The following PMPCB variants were observed in gnomAD, a reference collection of about 807,000 sequenced individuals.
PMPCB encodes mitochondrial-processing peptidase subunit beta.
Under a neutral mutation model 61.5 loss-of-function variants are expected in PMPCB, and 46 were observed. That is an observed-to-expected ratio of 0.75 (90% confidence interval 0.59 to 0.96). PMPCB has a LOEUF of 0.96. Among genes scored for constraint, PMPCB ranks in the 40% least tolerant of loss-of-function variants. PMPCB has a pLI of 0.00. For synonymous variants in PMPCB, 191 were observed against 201.6 expected, an observed-to-expected ratio of 0.95 and a Z score of 0.44; for missense variants, 590 against 602.4, an observed-to-expected ratio of 0.98 and a Z score of 0.22.
At chr7:103,309,776 C>T (rs1032880269) in intron 8 of PMPCB, among the ~76,000 whole-genome samples, 2 of 152,094 alleles carry the variant, frequency 1.3e-5, no homozygotes, top group African/African-American at 4.8e-5. Context: ...AGCATCACAT[C>T]TAAAACTCAG....
intron 1 of PMPCB, among the ~76,000 whole-genome samples, chr7:103,298,354 G>A (rs892091657): frequency 6.6e-6 from 1 of 152,078 alleles, no homozygotes; most frequent in African/African-American, 2.4e-5. Flanking sequence ...CCTGAGGGAA[G>A]GGCATGTTTA....
chr7:103,306,605 C>T (rs1408764793), intron 6 of PMPCB, among the ~76,000 whole-genome samples: 3 of 152,092 alleles, frequency 2.0e-5, no homozygotes, highest in Admixed American at 2.0e-4. Context: ...TGGTCTACCT[C>T]TACCTCTGAC....
chr7:103,337,381 A>G, the PMPCB span: 1 of 167,776 alleles, frequency 6.0e-6, no homozygotes, highest in African/African-American at 2.4e-5. Context: ...AAAAAAAACC[A>G]AAAACCAAAA....
chr7:103,320,236 C>A, intron 12 of PMPCB, among the ~76,000 whole-genome samples: 1 of 151,944 alleles, frequency 6.6e-6, no homozygotes, highest in East Asian at 2.0e-4. Context: ...TTACAGGCGC[C>A]TGCCACCACA....
chr7:103,320,653 A>G (rs1818336692), intron 12 of PMPCB, among the ~76,000 whole-genome samples: 1 of 150,988 alleles, frequency 6.6e-6, no homozygotes, highest in Non-Finnish European at 1.5e-5. Context: ...CTGAGGCAGG[A>G]GCATGGCGTG....
chr7:103,310,435 T>C lies in PMPCB; in HGVS notation c.1114T>C (p.Ser372Pro), dbSNP rs753347444. The change falls in exon 9 of 13, where the codon TCC becomes CCC. Residue 372 changes from serine to proline, a missense_variant. Physicochemically the swap from Ser to Pro is moderately conservative, Grantham distance 74. Coordinates refer to ENST00000249269, the MANE Select transcript of PMPCB (RefSeq NM_004279.3). ...LWGLYMVCES[S>P]TVADMLHVVQ... ...GGGACTGTATATGGTTTGTGAATCATCCACTGTTGCAGACATGCTACATGT... is the reference window on the plus strand; with the variant it reads ...GGGACTGTATATGGTTTGTGAATCACCCACTGTTGCAGACATGCTACATGT... The C allele has an allele frequency of 1.9e-6, 3 of 1,613,230 alleles. No homozygotes were observed. The East Asian group carries it at 6.7e-5, about 36-fold the overall frequency.
Position 103,299,539 on chromosome 7 carries a change from A to ATGCCT in PMPCB, c.327+10_327+11insTGCCT, listed in dbSNP as rs1392355681. 48 of 1,555,826 alleles carry ATGCCT rather than the reference A, an allele frequency of 3.1e-5. No homozygotes were observed. The highest frequency in any genetic ancestry group is 4.2e-5 in the Non-Finnish European group (47 of 1,131,076). On this transcript the variant is annotated intron_variant, in intron 3 of 12. Coordinates refer to ENST00000249269, the MANE Select transcript of PMPCB (RefSeq NM_004279.3). ...GCATATGGCTTTCAAGGCAAGTTGTAAGACTTTACAAAAATGCACTCTCTT... is the reference window on the plus strand; with the variant it reads ...GCATATGGCTTTCAAGGCAAGTTGTATGCCTAGACTTTACAAAAATGCACTCTCTT...
chr7:103,324,436 T>C (rs776008607), intron 12 of PMPCB: 3 of 1,407,770 alleles, frequency 2.1e-6, no homozygotes, highest in African/African-American at 3.0e-5. Context: ...TGAATACTTT[T>C]CCTTTTAAAA....
the PMPCB span, chr7:103,344,693 C>T: frequency 7.3e-6 from 11 of 1,508,870 alleles, no homozygotes; most frequent in Non-Finnish European, 1.0e-5. Context: ...GGGTCCCCTC[C>T]AGCTCTACCT....
At chr7:103,344,819 C>G in the PMPCB span, 25 of 610,616 alleles carry the variant, frequency 4.1e-5, no homozygotes, top group Middle Eastern at 4.3e-4. Flanking sequence ...CTCACACCCT[C>G]CCACCCCCGC....
chr7:103,298,349 G>A (rs1251083057), intron 1 of PMPCB, among the ~76,000 whole-genome samples: 1 of 152,038 alleles, frequency 6.6e-6, no homozygotes, highest in Non-Finnish European at 1.5e-5. Flanking sequence ...TCTTCCCTGA[G>A]GGAAGGGCAT....
At position 103,303,907 on chromosome 7, in the gene PMPCB, C is replaced by T. The variant is rs145596167; in HGVS notation, c.523C>T (p.Arg175Cys). 5.3e-5 allele frequency: 86 copies of T among 1,613,512 alleles called. No homozygotes were observed. The highest frequency in any genetic ancestry group is 6.9e-5 in the Non-Finnish European group (81 of 1,179,620). Residue 175 changes from arginine to cysteine, a missense_variant, in exon 5 of 13, where the codon CGT (arginine) becomes TGT (cysteine). Transcript: ENST00000249269. The part of the protein sequence containing the change: ...TLGEAEIERE[R>C]GVILREMQEV... ...GGGAGAAGCAGAGATTGAACGTGAGCGTGGAGTAATCCTTAGAGAGATGCA... is the reference window on the plus strand; with the variant it reads ...GGGAGAAGCAGAGATTGAACGTGAGTGTGGAGTAATCCTTAGAGAGATGCA...
chr7:103,322,276 CATATT>C (rs1373170241), intron 12 of PMPCB, among the ~76,000 whole-genome samples: 1 of 152,070 alleles, frequency 6.6e-6, no homozygotes, highest in Admixed American at 6.6e-5. Flanking sequence ...GTAAAATTGA[CATATT>C]AGAAATAAGC....
intron 12 of PMPCB, chr7:103,326,463 G>C: frequency 1.5e-6 from 2 of 1,372,442 alleles, no homozygotes; most frequent in East Asian, 2.3e-5. Flanking sequence ...ACTATTATCA[G>C]AGGGAAAGAG....
At chr7:103,302,903 G>GT (rs2115644957) in intron 4 of PMPCB, among the ~76,000 whole-genome samples, 1 of 152,178 alleles carries the variant, frequency 6.6e-6, no homozygotes, top group African/African-American at 2.4e-5. Context: ...ACTTAAGATT[G>GT]TAAGTTTATT....
intron 1 of PMPCB, 51 bp downstream of exon 1, chr7:103,297,609 C>A: frequency 6.2e-7 from 1 of 1,607,508 alleles, no homozygotes; most frequent in South Asian, 1.1e-5. Context: ...CCAGACCCGG[C>A]GCAGCGCACC....
chr7:103,341,146 G>A, the PMPCB span, among the ~76,000 whole-genome samples: 12 of 152,270 alleles, frequency 7.9e-5, no homozygotes, highest in African/African-American at 2.9e-4. Flanking sequence ...TTCAGTCACA[G>A]GTCTGCCTTA....
the PMPCB span, among the ~76,000 whole-genome samples, chr7:103,341,457 G>T: frequency 0.036 from 5,527 of 152,182 alleles, 198 homozygotes; most frequent in East Asian, 0.19. Context: ...ACTCCTTTGT[G>T]TCTTTGTATA....
chr7:103,319,730 C>T (rs753697535), intron 12 of PMPCB: 1 of 1,614,064 alleles, frequency 6.2e-7, no homozygotes, highest in Non-Finnish European at 8.5e-7. Context: ...CAAGTGAAGA[C>T]TTCAATAGCA....
Sources: gnomAD v4.1 joint callset for allele counts (sites outside exome capture counted in the v4.1 genomes callset) on GRCh38, gnomAD v4.1.1 for gene constraint, MANE v1.5 for transcripts, NCBI Gene and HGNC (gene_info 2026-07-23, HGNC 2026-07-21) for gene names.